Variants in TTC39B observed in about 807,000 individuals in gnomAD.
TTC39B encodes the protein tetratricopeptide repeat domain 39B.
A neutral mutation model predicts 96.6 loss-of-function variants in TTC39B; 92 were observed. That is an observed-to-expected ratio of 0.95 (90% CI 0.80 to 1.13). TTC39B has a LOEUF of 1.13. Among genes scored for constraint, TTC39B ranks in the 50% most tolerant of loss-of-function variants. The pLI, the probability that TTC39B is intolerant of heterozygous loss-of-function variation, is 0.00. For missense variants in TTC39B, 955 were observed against 809.3 expected (o/e 1.18, Z -2.18); for synonymous variants, 367 against 299.4 (o/e 1.23, Z -2.33).
intron 8 of TTC39B, among the ~76,000 whole-genome samples, chr9:15,193,786 C>T (rs1347044209): frequency 1.3e-5 from 2 of 152,158 alleles, no homozygotes; most frequent in Non-Finnish European, 2.9e-5. Context: ...GCCATAGAGT[C>T]ATAATCTGAA....
intron 3 of TTC39B, 91 bp from the exon 4 acceptor site, chr9:15,214,340 GTGTGTGTCTGTGTGTGTGTGTC>G: frequency 1.3e-6 from 1 of 765,410 alleles, no homozygotes; most frequent in Admixed American, 2.1e-5. Flanking sequence ...GTGTGTGTGT[GTGTGTGTCTGTGTGTGTGTGTC>G]TGTGTGTGTG....
At chr9:15,196,418 G>A (rs573080906) in intron 8 of TTC39B, among the ~76,000 whole-genome samples, 28 of 152,314 alleles carry the variant, frequency 1.8e-4, no homozygotes, top group Admixed American at 1.6e-3. Context: ...TTCATGGAAG[G>A]AAGTCAAAAT....
chr9:15,233,327 G>A (rs1298967238), intron 2 of TTC39B, among the ~76,000 whole-genome samples: 1 of 152,010 alleles, frequency 6.6e-6, no homozygotes, highest in East Asian at 1.9e-4. Flanking sequence ...AGAAAACCTC[G>A]CCCTCTCCCT....
chr9:15,180,537 C>G (rs1818194538), intron 17 of TTC39B, among the ~76,000 whole-genome samples: 1 of 152,134 alleles, frequency 6.6e-6, no homozygotes, highest in Non-Finnish European at 1.5e-5. Context: ...TATCCTCTAC[C>G]ATCTTTTACT....
intron 15 of TTC39B, 75 bp downstream of exon 15, chr9:15,186,869 G>A (rs765424836): frequency 4.4e-6 from 6 of 1,360,752 alleles, no homozygotes; most frequent in Non-Finnish European, 6.3e-6. Flanking sequence ...CTAATTTTTT[G>A]TATTTTCAGT....
chr9:15,172,756 A>C lies in TTC39B; in HGVS notation c.1959-647T>G, dbSNP rs564666339. On this transcript the variant is annotated intron_variant, in intron 19 of 19. Transcript: ENST00000512701. ...AATCAGAAAAATGGAATACTTTTAC[A>C]TACTGCCTTGGCCCATGGGTGAGCT... Among the ~76,000 whole-genome samples, 44 of 152,258 alleles carry C rather than the reference A, an allele frequency of 2.9e-4. 1 individual carries two copies. The highest frequency in any genetic ancestry group is 9.1e-4 in the African/African-American group (38 of 41,568).
intron 2 of TTC39B, among the ~76,000 whole-genome samples, chr9:15,259,302 G>A (rs1822863743): frequency 6.6e-6 from 1 of 152,140 alleles, no homozygotes. Context: ...CCACCAACCT[G>A]ATCCACTTAA....
At chr9:15,186,246 T>G (rs1818517168) in intron 15 of TTC39B, among the ~76,000 whole-genome samples, 1 of 152,214 alleles carries the variant, frequency 6.6e-6, no homozygotes, top group Admixed American at 6.5e-5. Context: ...CTATGGATTT[T>G]AAACTACAGT....
intron 8 of TTC39B, among the ~76,000 whole-genome samples, chr9:15,195,524 G>T (rs1237414599): frequency 6.6e-6 from 1 of 151,900 alleles, no homozygotes; most frequent in Non-Finnish European, 1.5e-5. Context: ...ACAAAAATTA[G>T]CCAGGCACGG....
chr9:15,188,719 G>T (rs1340071460), intron 13 of TTC39B, among the ~76,000 whole-genome samples: 1 of 126,580 alleles, frequency 7.9e-6, no homozygotes, highest in Non-Finnish European at 1.6e-5. Context: ...CCAGCAAAGA[G>T]CATTGGAAAA....
chr9:15,230,688 T>C (rs960665293), intron 2 of TTC39B, among the ~76,000 whole-genome samples: 2 of 152,190 alleles, frequency 1.3e-5, no homozygotes, highest in African/African-American at 4.8e-5. Context: ...AACATTCATG[T>C]ACAAGTTCTT....
Position 15,185,499 on chromosome 9 carries a change from C to CCAG in TTC39B, c.1488-96_1488-94dup, listed in dbSNP as rs549431562. 4.0e-4 allele frequency: 621 copies of CCAG among 1,555,172 alleles called. 4 individuals are homozygous for CCAG. In the East Asian group the frequency reaches 0.014, roughly 35 times the overall value. ...TTTTCACAGTGAACTTCACAGACCA[C>CCAG]CAGCAGCAGCAGCAGCATCACCTGG... is the stretch of plus-strand genomic sequence containing the variant. On this transcript the variant is annotated intron_variant, in intron 15 of 19. Transcript: ENST00000512701.
chr9:15,282,627 C>G (rs1356796239), intron 1 of TTC39B, among the ~76,000 whole-genome samples: 3 of 152,132 alleles, frequency 2.0e-5, no homozygotes, highest in African/African-American at 7.2e-5. Context: ...CTAACACACC[C>G]TCTACAACAC....
At chr9:15,214,718 A>C (rs1194005503) in intron 3 of TTC39B, among the ~76,000 whole-genome samples, 2 of 152,202 alleles carry the variant, frequency 1.3e-5, no homozygotes, top group East Asian at 3.8e-4. Context: ...ACCTGTTATA[A>C]CATCTGCCAA....
At chr9:15,266,156 G>A (rs772297236) in intron 2 of TTC39B, among the ~76,000 whole-genome samples, 1 of 151,916 alleles carries the variant, frequency 6.6e-6, no homozygotes, top group African/African-American at 2.4e-5. Flanking sequence ...CCTGGGTGGG[G>A]TACACAGGAA....
At chr9:15,211,541 A>T (rs1820200941) in intron 4 of TTC39B, 144 bp from the exon 5 acceptor site, 1 of 720,088 alleles carries the variant, frequency 1.4e-6, no homozygotes, top group African/African-American at 1.8e-5. Flanking sequence ...GGTGAAAAGT[A>T]ACCTCTTAAA....
intron 1 of TTC39B, among the ~76,000 whole-genome samples, chr9:15,288,268 G>A (rs189546360): frequency 1.4e-4 from 21 of 152,142 alleles, no homozygotes; most frequent in African/African-American, 3.6e-4. Context: ...CTGGAAACCC[G>A]CAGCCCTAAA....
intron 18 of TTC39B, among the ~76,000 whole-genome samples, chr9:15,176,450 CA>C (rs2118503433): frequency 6.6e-6 from 1 of 152,256 alleles, no homozygotes; most frequent in East Asian, 1.9e-4. Context: ...TTTATTCTTA[CA>C]GGGGCACAAG....
chr9:15,202,947 A>C (rs1383688035), intron 7 of TTC39B, among the ~76,000 whole-genome samples: 1 of 152,210 alleles, frequency 6.6e-6, no homozygotes, highest in Admixed American at 6.5e-5. Flanking sequence ...AGGTGAAATT[A>C]AAATGGATCA....
Sources: gnomAD v4.1 joint callset for allele counts (sites outside exome capture counted in the v4.1 genomes callset) on GRCh38, gnomAD v4.1.1 for gene constraint, MANE v1.5 for transcripts, NCBI Gene and HGNC (gene_info 2026-07-23, HGNC 2026-07-21) for gene names.